SDK1: variants seen among roughly 807,000 people sequenced by gnomAD.
The protein encoded by SDK1 is protein sidekick-1.
SDK1 carries 157 observed loss-of-function variants against 245.5 expected under a neutral mutation model. The ratio of observed to expected loss-of-function variants is 0.64; its 90% CI spans 0.56 to 0.73. The LOEUF is 0.73. SDK1 is among the 30% of genes least tolerant of loss of function. The pLI, the probability that SDK1 is intolerant of heterozygous loss-of-function variation, is 0.00. For missense variants in SDK1, 3,583 were observed against 3,002.3 expected (o/e 1.19, Z -4.52); for synonymous variants, 1,647 against 1,278.5 (o/e 1.29, Z -6.15).
intron 1 of SDK1, among the ~76,000 whole-genome samples, chr7:3,513,149 T>G (rs186000808): frequency 6.6e-6 from 1 of 152,304 alleles, no homozygotes; most frequent in African/African-American, 2.4e-5. Context: ...GTTACTGAGC[T>G]CTATGTCTGT....
intron 17 of SDK1, among the ~76,000 whole-genome samples, chr7:4,028,500 T>A (rs1794947335): frequency 1.3e-5 from 2 of 152,200 alleles, no homozygotes; most frequent in Non-Finnish European, 1.5e-5. Context: ...GGCTGGAGTC[T>A]CCTTAAAATA....
rs79502058 is a variant in SDK1, at chr7:3,337,672, G to A, written c.298+35788G>A. On this transcript the variant is annotated intron_variant, in intron 1 of 44. Coordinates refer to ENST00000404826, the MANE Select transcript of SDK1 (RefSeq NM_152744.4). Reference sequence around the variant, plus strand: ...GTTTAACAATGTGTAATTTGTAGGGGAAAACCAGTCCAAATGAGAGGAGCC... The same window carrying A: ...GTTTAACAATGTGTAATTTGTAGGGAAAAACCAGTCCAAATGAGAGGAGCC... Among the ~76,000 whole-genome samples, 707 of 152,298 alleles carry A rather than the reference G, an allele frequency of 4.6e-3. 7 individuals carry two copies. The highest frequency in any genetic ancestry group is 0.016 in the African/African-American group (678 of 41,548).
intron 28 of SDK1, among the ~76,000 whole-genome samples, chr7:4,137,405 C>T (rs1374173501): frequency 3.3e-5 from 5 of 152,206 alleles, no homozygotes. Flanking sequence ...GCCTACAAGG[C>T]TTCCAGTATC....
chr7:3,655,310 G>A (rs1241123890), intron 4 of SDK1, among the ~76,000 whole-genome samples: 2 of 150,886 alleles, frequency 1.3e-5, no homozygotes, highest in Non-Finnish European at 3.0e-5. Flanking sequence ...GCGGGTGCTT[G>A]TAATCCCAGC....
chr7:3,628,715 ATTT>A (rs1197174292), intron 2 of SDK1, among the ~76,000 whole-genome samples: 39 of 152,300 alleles, frequency 2.6e-4, no homozygotes, highest in Admixed American at 1.5e-3. Context: ...CTGGGATCTG[ATTT>A]ACTGCCTCAT....
At chr7:3,834,408 G>GAGTT (rs1228656229) in intron 5 of SDK1, among the ~76,000 whole-genome samples, 2 of 152,214 alleles carry the variant, frequency 1.3e-5, no homozygotes, top group Non-Finnish European at 2.9e-5. Flanking sequence ...ACACGAAAGG[G>GAGTT]AGTTGTGTAG....
intron 22 of SDK1, among the ~76,000 whole-genome samples, chr7:4,093,930 G>C (rs1049262924): frequency 1.3e-5 from 2 of 152,230 alleles, no homozygotes; most frequent in African/African-American, 2.4e-5. Flanking sequence ...ACCTCTCCCA[G>C]AGGTGAATCC....
At chr7:3,522,013 C>A (rs1356701924) in intron 1 of SDK1, among the ~76,000 whole-genome samples, 3 of 151,976 alleles carry the variant, frequency 2.0e-5, no homozygotes, top group Non-Finnish European at 4.4e-5. Context: ...TTTGGGCCAC[C>A]ACAATCAGGC....
intron 22 of SDK1, among the ~76,000 whole-genome samples, chr7:4,085,210 A>C (rs948508207): frequency 6.6e-6 from 1 of 152,196 alleles, no homozygotes; most frequent in Non-Finnish European, 1.5e-5. Flanking sequence ...ACTTATATGA[A>C]AACTTTATGT....
chr7:3,433,782 C>T (rs796359515), intron 1 of SDK1, among the ~76,000 whole-genome samples: 7 of 151,516 alleles, frequency 4.6e-5, no homozygotes, highest in South Asian at 2.1e-4. Flanking sequence ...AAATTTGAGA[C>T]GTTCTCATCT....
chr7:3,776,663 C>T (rs1181645856), intron 4 of SDK1, among the ~76,000 whole-genome samples: 1 of 151,284 alleles, frequency 6.6e-6, no homozygotes. Flanking sequence ...CAGTAACTGA[C>T]CTATAAAACA....
At chr7:3,473,550 G>A (rs1478091062) in intron 1 of SDK1, among the ~76,000 whole-genome samples, 6 of 152,188 alleles carry the variant, frequency 3.9e-5, no homozygotes, top group Non-Finnish European at 8.8e-5. Context: ...GACTCTTGCA[G>A]TATGTGGGAC....
At position 3,801,763 on chromosome 7, in the gene SDK1, C is replaced by A. The variant is rs780461141; in HGVS notation, c.714-19687C>A. 2.6e-5 allele frequency among the ~76,000 whole-genome samples: 4 copies of A among 152,318 alleles called. No homozygotes were observed. The East Asian group carries it at 7.7e-4, about 29-fold the overall frequency. ...CTTTGGCCCTTGGAACACGCCCAGC[C>A]TGTCCCATTGCAGGGCCTTTGCACT... On this transcript the variant is annotated intron_variant, in intron 4 of 44. Coordinates refer to ENST00000404826, the MANE Select transcript of SDK1 (RefSeq NM_152744.4).
At chr7:4,260,178 A>G (rs1787892833) in intron 44 of SDK1, among the ~76,000 whole-genome samples, 1 of 142,928 alleles carries the variant, frequency 7.0e-6, no homozygotes, top group Non-Finnish European at 1.5e-5. Flanking sequence ...AGATGTGTTC[A>G]TCGTCACCTG....
chr7:3,512,536 G>A (rs929074954), intron 1 of SDK1, among the ~76,000 whole-genome samples: 1 of 152,158 alleles, frequency 6.6e-6, no homozygotes, highest in East Asian at 1.9e-4. Flanking sequence ...AAGCCACCAG[G>A]CTGTCCTCAG....
chr7:3,904,820 C>T (rs1335933124), intron 5 of SDK1, among the ~76,000 whole-genome samples: 7 of 152,004 alleles, frequency 4.6e-5, no homozygotes, highest in Non-Finnish European at 8.8e-5. Context: ...AATAGAATCC[C>T]GTCTCTACTG....
At chr7:3,322,676 T>C (rs1160800161) in intron 1 of SDK1, among the ~76,000 whole-genome samples, 1 of 152,230 alleles carries the variant, frequency 6.6e-6, no homozygotes, top group Non-Finnish European at 1.5e-5. Flanking sequence ...TCAGGGATCT[T>C]CATAATCTGA....
chr7:3,608,053 C>G (rs964505105), intron 1 of SDK1, among the ~76,000 whole-genome samples: 1 of 152,250 alleles, frequency 6.6e-6, no homozygotes, highest in African/African-American at 2.4e-5. Flanking sequence ...GAGAAAACTT[C>G]TGGCACCTGA....
At chr7:3,540,227 C>T (rs1013141778) in intron 1 of SDK1, among the ~76,000 whole-genome samples, 5 of 152,156 alleles carry the variant, frequency 3.3e-5, no homozygotes, top group African/African-American at 9.6e-5. Flanking sequence ...GCCAACATGA[C>T]GAAACCCCAT....
Sources: allele counts gnomAD v4.1 joint callset (sites outside exome capture counted in the v4.1 genomes callset), GRCh38; gene constraint gnomAD v4.1.1; transcripts MANE v1.5; gene names NCBI Gene and HGNC (gene_info 2026-07-23, HGNC 2026-07-21).